The following TIMP3 variants were observed in gnomAD, a reference collection of about 807,000 sequenced individuals.
TIMP3 encodes the protein metalloproteinase inhibitor 3.
A neutral mutation model predicts 30.0 loss-of-function variants in TIMP3; 11 were observed. That is an observed-to-expected ratio of 0.37 (90% CI 0.23 to 0.61). The LOEUF is 0.61. Among genes scored for constraint, TIMP3 ranks in the 20% least tolerant of loss-of-function variants. TIMP3 has a pLI of 0.70. For synonymous variants in TIMP3, 112 were observed against 111.3 expected (o/e 1.01, Z -0.04); for missense variants, 181 against 276.8 (o/e 0.65, Z 2.45).
At chr22:32,822,692 C>T (rs1472321309) in intron 1 of TIMP3, among the ~76,000 whole-genome samples, 1 of 152,080 alleles carries the variant, frequency 6.6e-6, no homozygotes, top group Non-Finnish European at 1.5e-5. Flanking sequence ...TTCTGCTAAC[C>T]GCTAAGGTGT....
chr22:32,836,919 A>C (rs563674643), intron 1 of TIMP3, among the ~76,000 whole-genome samples: 13 of 152,320 alleles, frequency 8.5e-5, no homozygotes, highest in East Asian at 3.9e-4. Flanking sequence ...AACCACAAGA[A>C]AGTCTCCTGC....
chr22:32,820,684 C>T (rs141894444), intron 1 of TIMP3, among the ~76,000 whole-genome samples: 6 of 152,226 alleles, frequency 3.9e-5, no homozygotes, highest in Middle Eastern at 6.8e-3. Flanking sequence ...CTGATTACCC[C>T]CAGGCACCAA....
At chr22:32,802,535 G>A (rs1225722648) in intron 1 of TIMP3, among the ~76,000 whole-genome samples, 4 of 150,304 alleles carry the variant, frequency 2.7e-5, no homozygotes, top group African/African-American at 7.3e-5. Context: ...AAAGTTGCCC[G>A]CCATGTGCAC....
At chr22:32,817,187 C>T (rs1012411151) in intron 1 of TIMP3, among the ~76,000 whole-genome samples, 1 of 151,578 alleles carries the variant, frequency 6.6e-6, no homozygotes, top group African/African-American at 2.4e-5. Context: ...CACTGCACTC[C>T]AGCCAGGGTG....
chr22:32,845,247 A>C (rs1465171769), intron 1 of TIMP3, among the ~76,000 whole-genome samples: 1 of 151,956 alleles, frequency 6.6e-6, no homozygotes, highest in Non-Finnish European at 1.5e-5. Flanking sequence ...TCCAGGCTGG[A>C]GTACGGTGAT....
At position 32,807,878 on chromosome 22, in the gene TIMP3, A is replaced by C. The variant is rs147162023; in HGVS notation, c.121+5756A>C. Reference sequence around the variant, plus strand: ...CAGTTCTTTTCATATATGCAACATGAGGGGATGGAGGAATGTTAGAGCCCT... The same window carrying C: ...CAGTTCTTTTCATATATGCAACATGCGGGGATGGAGGAATGTTAGAGCCCT... On this transcript the variant is annotated intron_variant, in intron 1 of 4. Transcript: ENST00000266085. Among the ~76,000 whole-genome samples, 1,296 of 152,230 alleles carry C rather than the reference A, an allele frequency of 8.5e-3. 19 individuals carry two copies. The highest frequency in any genetic ancestry group is 0.028 in the African/African-American group (1,144 of 41,538).
intron 1 of TIMP3, among the ~76,000 whole-genome samples, chr22:32,838,903 G>A (rs1001172919): frequency 1.3e-5 from 2 of 151,706 alleles, no homozygotes; most frequent in African/African-American, 2.4e-5. Context: ...GGTAATTAGC[G>A]ATGCTAGTGA....
intron 1 of TIMP3, among the ~76,000 whole-genome samples, chr22:32,814,808 T>C (rs1050500156): frequency 6.6e-6 from 1 of 152,204 alleles, no homozygotes; most frequent in Non-Finnish European, 1.5e-5. Flanking sequence ...AAAAACTAGA[T>C]TGATATTGCT....
intron 2 of TIMP3, among the ~76,000 whole-genome samples, chr22:32,856,455 G>A (rs2146281682): frequency 6.6e-6 from 1 of 152,206 alleles, no homozygotes; most frequent in Admixed American, 6.5e-5. Flanking sequence ...AGCTGAATAG[G>A]GGAGCGAGAT....
At chr22:32,845,957 C>T (rs904335425) in intron 1 of TIMP3, among the ~76,000 whole-genome samples, 4 of 152,198 alleles carry the variant, frequency 2.6e-5, no homozygotes, top group East Asian at 1.9e-4. Flanking sequence ...GGAGCAAATA[C>T]GGACAGATTA....
intron 1 of TIMP3, among the ~76,000 whole-genome samples, chr22:32,816,780 G>A (rs2047096975): frequency 1.3e-5 from 2 of 152,142 alleles, no homozygotes; most frequent in African/African-American, 4.8e-5. Context: ...GAAGAATTAA[G>A]GTCGCTTCCC....
chr22:32,832,426 G>A (rs1311493501), intron 1 of TIMP3, among the ~76,000 whole-genome samples: 1 of 151,818 alleles, frequency 6.6e-6, no homozygotes, highest in Admixed American at 6.6e-5. Flanking sequence ...AGGAGGAAAT[G>A]ATTTGTCAAA....
At chr22:32,848,150 T>C (rs188103655) in intron 1 of TIMP3, among the ~76,000 whole-genome samples, 193 of 152,360 alleles carry the variant, frequency 1.3e-3, no homozygotes, top group Non-Finnish European at 1.9e-3. Context: ...AAGCACAACC[T>C]TGTAGAATCT....
intron 1 of TIMP3, among the ~76,000 whole-genome samples, chr22:32,846,581 A>G (rs903159891): frequency 9.9e-5 from 15 of 152,198 alleles, no homozygotes; most frequent in Admixed American, 2.6e-4. Flanking sequence ...CATCATTCCC[A>G]TCTTACAGAT....
intron 1 of TIMP3, among the ~76,000 whole-genome samples, chr22:32,816,185 AGTGGTATGTGTCTAATTGCAGGG>A (rs1200818595): frequency 3.3e-5 from 5 of 151,940 alleles, no homozygotes; most frequent in Non-Finnish European, 1.5e-5. Flanking sequence ...CAGGTTGGAA[AGTGGTATGTGTCTAATTGCAGGG>A]GCGGGGGTAG....
chr22:32,805,688 CT>C (rs1393588734), intron 1 of TIMP3, among the ~76,000 whole-genome samples: 2 of 144,034 alleles, frequency 1.4e-5, no homozygotes, highest in Non-Finnish European at 3.0e-5. Context: ...ATGGAAAACA[CT>C]GAGGCTGAAG....
chr22:32,853,624 A>G lies in TIMP3; in HGVS notation c.205-3625A>G, dbSNP rs73158354. Among the ~76,000 whole-genome samples, 783 of 152,370 alleles carry G rather than the reference A, an allele frequency of 5.1e-3. 5 individuals are homozygous for G. The highest frequency in any genetic ancestry group is 0.017 in the Middle Eastern group (5 of 294). ...GGCATGCAGAACCCAGCTGAAAAAG[A>G]ACAACCCACTTATGTCTGAAGTTCT... On this transcript the variant is annotated intron_variant, in intron 2 of 4. Coordinates refer to ENST00000266085, the MANE Select transcript of TIMP3 (RefSeq NM_000362.5).
intron 1 of TIMP3, among the ~76,000 whole-genome samples, chr22:32,840,392 C>A (rs2047860296): frequency 6.6e-6 from 1 of 152,058 alleles, no homozygotes; most frequent in Non-Finnish European, 1.5e-5. Context: ...TTGAAACGGA[C>A]AAGAGAGAAG....
At position 32,811,589 on chromosome 22, in the gene TIMP3, A is replaced by G. The variant is rs549589882; in HGVS notation, c.121+9467A>G. The stretch of plus-strand genomic sequence containing the variant: ...CCCACAGGGCAGAGAAAGAAACAAC[A>G]AAGTTCCTACTCTATTTTCACAACT... On this transcript the variant is annotated intron_variant, in intron 1 of 4. Transcript: ENST00000266085. Among the ~76,000 whole-genome samples the G allele has an allele frequency of 1.9e-4, 29 of 152,346 alleles. No individual in the cohort carries two copies. The East Asian group carries it at 4.1e-3, about 21-fold the overall frequency.
Sources: allele counts gnomAD v4.1 joint callset (sites outside exome capture counted in the v4.1 genomes callset), GRCh38; gene constraint gnomAD v4.1.1; transcripts MANE v1.5; gene names NCBI Gene and HGNC (gene_info 2026-07-23, HGNC 2026-07-21).